Variants in ILRUN observed in about 807,000 individuals in gnomAD.
The protein encoded by ILRUN is inflammation and lipid regulator with UBA-like and NBR1-like domains.
In ILRUN, 3 loss-of-function variants were observed where a neutral mutation model predicts 33.8. The observed-to-expected ratio is 0.09, with a 90% confidence interval of 0.04 to 0.23. The LOEUF (loss-of-function observed/expected upper bound fraction) is 0.23. Among genes scored for constraint, ILRUN ranks in the 10% least tolerant of loss-of-function variants. ILRUN has a pLI of 1.00. For synonymous variants in ILRUN, 124 were observed against 138.9 expected (o/e 0.89, Z 0.75); for missense variants, 210 against 375.1 (o/e 0.56, Z 3.64).
rs1468333354 is a variant in ILRUN, at chr6:34,654,650, T to C, written c.288A>G (p.Val96=). The C allele has an allele frequency of 6.2e-7, 1 of 1,612,602 alleles. No homozygotes were observed. Among genetic ancestry groups the C allele is most frequent in the South Asian group, 1.1e-5 (1 of 90,768 alleles). Residue 96 remains valine, a synonymous_variant, in exon 2 of 5, where the codon GTA becomes GTG. Coordinates refer to ENST00000374023, the MANE Select transcript of ILRUN (RefSeq NM_024294.4). Reference sequence around the variant, plus strand: ...CAGAATTCTGGATCCGCCATGTTTTTACAAACTGAGTATCCGGAGGTATTG... The same window carrying C: ...CAGAATTCTGGATCCGCCATGTTTTCACAAACTGAGTATCCGGAGGTATTG... ...GESIPPDTQF[V]KTWRIQNSGA... is the part of the protein sequence containing the mutation.
chr6:34,640,718 A>T, intron 3 of ILRUN, among the ~76,000 whole-genome samples: 1 of 99,314 alleles, frequency 1.0e-5, no homozygotes, highest in African/African-American at 7.2e-5. Context: ...CAAATAAATG[A>T]ATGAATGAAT....
At chr6:34,649,978 C>T (rs972074872) in intron 2 of ILRUN, among the ~76,000 whole-genome samples, 1 of 152,200 alleles carries the variant, frequency 6.6e-6, no homozygotes. Context: ...CTTTTCCCAT[C>T]CCTTTATATT....
chr6:34,683,463 CATATAT>C (rs768330830), intron 1 of ILRUN, among the ~76,000 whole-genome samples: 1 of 102,710 alleles, frequency 9.7e-6, no homozygotes, highest in East Asian at 2.7e-4. Flanking sequence ...CATATATATA[CATATAT>C]ATACACATAT....
intron 4 of ILRUN, among the ~76,000 whole-genome samples, chr6:34,595,094 G>A (rs1561994611): frequency 6.6e-6 from 1 of 152,160 alleles, no homozygotes; most frequent in Non-Finnish European, 1.5e-5. Context: ...CTCCTAAAAG[G>A]AAAATTTAAG....
At chr6:34,651,120 G>A (rs1040897929) in intron 2 of ILRUN, among the ~76,000 whole-genome samples, 1 of 152,054 alleles carries the variant, frequency 6.6e-6, no homozygotes, top group Non-Finnish European at 1.5e-5. Context: ...AGTAACGGGT[G>A]GCCAGATTCT....
chr6:34,645,451 T>C (rs1314765674), intron 3 of ILRUN, among the ~76,000 whole-genome samples: 5 of 152,162 alleles, frequency 3.3e-5, no homozygotes, highest in Admixed American at 3.3e-4. Context: ...CATGGGTCAC[T>C]GCAACCTCGA....
At chr6:34,607,457 C>A (rs989179715) in intron 3 of ILRUN, among the ~76,000 whole-genome samples, 1 of 152,144 alleles carries the variant, frequency 6.6e-6, no homozygotes, top group Non-Finnish European at 1.5e-5. Flanking sequence ...GATACTATCA[C>A]CCTGGCTATC....
rs1582025320 is a variant in ILRUN at position 34,590,277 on chromosome 6, G to A, written c.*288C>T. The A allele has an allele frequency of 8.2e-6, 2 of 242,642 alleles. No homozygotes were observed. Among genetic ancestry groups the A allele is most frequent in the Non-Finnish European group, 7.9e-6 (1 of 126,856 alleles). 15.0% of individuals were successfully genotyped at this position (242,642 alleles called of 1,614,324 possible). ...CATTTTAAACTTTTTCCCCCTTCCC[G>A]AGTGACCTAATGACTTGTTAGACTG... On this transcript the variant is annotated 3_prime_UTR_variant, in exon 5 of 5. Coordinates refer to ENST00000374023, the MANE Select transcript of ILRUN (RefSeq NM_024294.4).
intron 1 of ILRUN, among the ~76,000 whole-genome samples, chr6:34,662,646 G>A (rs1235755026): frequency 6.6e-6 from 1 of 152,200 alleles, no homozygotes; most frequent in Non-Finnish European, 1.5e-5. Context: ...CCGTCACAAA[G>A]GTCAAATACT....
chr6:34,632,906 GAAC>G (rs1346920739), intron 3 of ILRUN, among the ~76,000 whole-genome samples: 1 of 152,030 alleles, frequency 6.6e-6, no homozygotes, highest in African/African-American at 2.4e-5. Context: ...TCAACTAAGA[GAAC>G]AAAACATATA....
chr6:34,611,100 G>GT (rs746635329), intron 3 of ILRUN, among the ~76,000 whole-genome samples: 2 of 95,236 alleles, frequency 2.1e-5, no homozygotes, highest in African/African-American at 1.2e-4. Context: ...TCTTTCTGAT[G>GT]TCTTTTTTTT....
rs145948013 is a variant in ILRUN, at chr6:34,608,957, C to T, written c.512-2053G>A. ...TTTCAAAAAGCAAAATACAGAAAGG[C>T]CAAGAAGCTTTTAACTGTGTGAACC... is the stretch of plus-strand genomic sequence containing the variant. On this transcript the variant is annotated intron_variant, in intron 3 of 4. Coordinates refer to ENST00000374023, the MANE Select transcript of ILRUN (RefSeq NM_024294.4). 7.2e-5 allele frequency among the ~76,000 whole-genome samples: 11 copies of T among 152,288 alleles called. No individual in the cohort carries two copies. The East Asian group carries it at 2.1e-3, about 29-fold the overall frequency.
At chr6:34,645,591 C>T (rs1191967356) in intron 3 of ILRUN, among the ~76,000 whole-genome samples, 1 of 152,100 alleles carries the variant, frequency 6.6e-6, no homozygotes, top group Non-Finnish European at 1.5e-5. Flanking sequence ...AGGCTGATCT[C>T]GAGCCTCTGG....
rs947066565 is a variant in ILRUN, at chr6:34,609,165, C to T, written c.512-2261G>A. Among the ~76,000 whole-genome samples, 3 of 152,184 alleles carry T rather than the reference C, an allele frequency of 2.0e-5. No individual in the cohort carries two copies. In the South Asian group the frequency reaches 6.2e-4, roughly 32 times the overall value. On this transcript the variant is annotated intron_variant, in intron 3 of 4. Coordinates refer to ENST00000374023, the MANE Select transcript of ILRUN (RefSeq NM_024294.4). ...AAAACTCTCTCAGGCTGTGTTTATT[C>T]TAAATTTTTAATTTGGGCTGTATAT...
chr6:34,607,830 G>C (rs1761665916), intron 3 of ILRUN, among the ~76,000 whole-genome samples: 1 of 152,146 alleles, frequency 6.6e-6, no homozygotes, highest in South Asian at 2.1e-4. Context: ...CAGATTTCAT[G>C]TCTGTAATCC....
At chr6:34,666,464 G>A (rs1419363262) in intron 1 of ILRUN, among the ~76,000 whole-genome samples, 5 of 152,104 alleles carry the variant, frequency 3.3e-5, no homozygotes, top group African/African-American at 7.2e-5. Flanking sequence ...GCGAGGCTGC[G>A]GCAGGAGAAT....
chr6:34,644,888 A>T (rs1461498667), intron 3 of ILRUN, among the ~76,000 whole-genome samples: 2 of 152,042 alleles, frequency 1.3e-5, no homozygotes, highest in African/African-American at 4.8e-5. Context: ...GAGAAGTGAA[A>T]GCATATGGCA....
At chr6:34,596,540 T>G (rs563264735) in intron 4 of ILRUN, among the ~76,000 whole-genome samples, 1 of 152,286 alleles carries the variant, frequency 6.6e-6, no homozygotes, top group East Asian at 1.9e-4. Context: ...CTAGAACTCC[T>G]GACCTCAGGT....
At chr6:34,672,706 G>C (rs1763142033) in intron 1 of ILRUN, among the ~76,000 whole-genome samples, 1 of 152,002 alleles carries the variant, frequency 6.6e-6, no homozygotes, top group South Asian at 2.1e-4. Flanking sequence ...CAAACATTTT[G>C]TCAAAAGGTA....
Sources: gnomAD v4.1 joint callset for allele counts (sites outside exome capture counted in the v4.1 genomes callset) on GRCh38, gnomAD v4.1.1 for gene constraint, MANE v1.5 for transcripts, NCBI Gene and HGNC (gene_info 2026-07-23, HGNC 2026-07-21) for gene names.